The following CAMKMT variants were observed in gnomAD, a reference collection of about 807,000 sequenced individuals.
CAMKMT encodes calmodulin-lysine N-methyltransferase.
Under a neutral mutation model 48.0 loss-of-function variants are expected in CAMKMT, and 53 were observed. That is an observed-to-expected ratio of 1.10 (90% CI 0.89 to 1.39). The LOEUF (loss-of-function observed/expected upper bound fraction) is 1.39. Ranked by LOEUF, CAMKMT falls within the 40% of genes most tolerant of loss-of-function variation. The pLI, the probability that CAMKMT is intolerant of heterozygous loss-of-function variation, is 0.00. For missense variants in CAMKMT, 428 were observed against 402.7 expected (o/e 1.06, Z -0.54); for synonymous variants, 165 against 152.3 (o/e 1.08, Z -0.61).
At chr2:44,473,609 G>C (rs1301212908) in intron 3 of CAMKMT, among the ~76,000 whole-genome samples, 5 of 152,118 alleles carry the variant, frequency 3.3e-5, no homozygotes, top group South Asian at 2.1e-4. Context: ...TTCCATCCAT[G>C]ACTTTACTCT....
At chr2:44,570,480 A>G (rs1668848537) in intron 3 of CAMKMT, among the ~76,000 whole-genome samples, 1 of 152,188 alleles carries the variant, frequency 6.6e-6, no homozygotes, top group Non-Finnish European at 1.5e-5. Context: ...GAACTTTACA[A>G]AAATACTATT....
intron 3 of CAMKMT, among the ~76,000 whole-genome samples, chr2:44,498,901 T>G (rs13402006): frequency 0.49 from 74,450 of 152,012 alleles, 20,110 homozygotes; most frequent in Non-Finnish European, 0.61. Flanking sequence ...AGTCTTGAAT[T>G]TTGTGGTAAT....
chr2:44,767,822 G>A (rs1304028303), intron 10 of CAMKMT, among the ~76,000 whole-genome samples: 2 of 152,182 alleles, frequency 1.3e-5, no homozygotes, highest in Non-Finnish European at 2.9e-5. Flanking sequence ...GAATAATGTG[G>A]CTTTCTCTCC....
intron 3 of CAMKMT, among the ~76,000 whole-genome samples, chr2:44,429,785 G>A (rs1274904721): frequency 7.8e-6 from 1 of 128,844 alleles, no homozygotes; most frequent in Non-Finnish European, 1.6e-5. Flanking sequence ...TCCGGCCTGG[G>A]CGACAGAGCG....
chr2:44,460,214 G>T (rs184454967), intron 3 of CAMKMT, among the ~76,000 whole-genome samples: 20 of 152,252 alleles, frequency 1.3e-4, no homozygotes, highest in Admixed American at 5.9e-4. Context: ...GGGAAAAAAA[G>T]CCATGGCTAC....
At chr2:44,542,044 G>A (rs535066088) in intron 3 of CAMKMT, among the ~76,000 whole-genome samples, 13 of 151,216 alleles carry the variant, frequency 8.6e-5, no homozygotes, top group East Asian at 2.0e-4. Flanking sequence ...CAGGAGAATC[G>A]CTTGAAACCG....
chr2:44,565,962 A>G (rs1294372047), intron 3 of CAMKMT, among the ~76,000 whole-genome samples: 1 of 152,234 alleles, frequency 6.6e-6, no homozygotes, highest in Non-Finnish European at 1.5e-5. Flanking sequence ...GTAACCGCAC[A>G]TGCATGTGTA....
chr2:44,641,601 A>C (rs2104002267), intron 3 of CAMKMT, among the ~76,000 whole-genome samples: 1 of 152,198 alleles, frequency 6.6e-6, no homozygotes, highest in East Asian at 1.9e-4. Flanking sequence ...TCTGTCACCC[A>C]GGCTGGAGTG....
intron 10 of CAMKMT, among the ~76,000 whole-genome samples, chr2:44,769,301 T>A (rs1681001397): frequency 6.6e-6 from 1 of 152,218 alleles, no homozygotes; most frequent in Non-Finnish European, 1.5e-5. Flanking sequence ...TTCCGCACTT[T>A]TCTGCCAGTG....
chr2:44,684,963 G>C (rs1162332287), intron 3 of CAMKMT, among the ~76,000 whole-genome samples: 3 of 146,756 alleles, frequency 2.0e-5, no homozygotes, highest in African/African-American at 7.6e-5. Context: ...AATAGATCTT[G>C]CAAAAGAAGA....
chr2:44,764,574 T>C (rs1680757211), intron 9 of CAMKMT, among the ~76,000 whole-genome samples: 1 of 152,152 alleles, frequency 6.6e-6, no homozygotes. Flanking sequence ...TCCCTCTAAC[T>C]CAAAAGTTCT....
intron 3 of CAMKMT, among the ~76,000 whole-genome samples, chr2:44,591,731 A>G (rs1277360122): frequency 3.3e-5 from 5 of 151,940 alleles, no homozygotes; most frequent in Admixed American, 3.3e-4. Flanking sequence ...CCAAAGGACT[A>G]TAAATCATGC....
chr2:44,768,701 G>C (rs1680970363), intron 10 of CAMKMT, among the ~76,000 whole-genome samples: 1 of 152,218 alleles, frequency 6.6e-6, no homozygotes, highest in Non-Finnish European at 1.5e-5. Context: ...GCCGCCGGGA[G>C]CCTCCACCCT....
intron 3 of CAMKMT, among the ~76,000 whole-genome samples, chr2:44,431,431 C>T (rs958450306): frequency 3.9e-5 from 6 of 152,088 alleles, no homozygotes; most frequent in Non-Finnish European, 7.4e-5. Context: ...CAGAAGCTGC[C>T]ATTTATTATA....
intron 3 of CAMKMT, among the ~76,000 whole-genome samples, chr2:44,703,930 T>A (rs982670121): frequency 1.3e-5 from 2 of 152,274 alleles, no homozygotes; most frequent in Non-Finnish European, 1.5e-5. Context: ...TATAAGCAAG[T>A]CTTCAACTGA....
At chr2:44,495,161 C>A (rs976185613) in intron 3 of CAMKMT, among the ~76,000 whole-genome samples, 1 of 152,094 alleles carries the variant, frequency 6.6e-6, no homozygotes, top group African/African-American at 2.4e-5. Context: ...TTATTTTTAG[C>A]CAGGTTCTTG....
chr2:44,637,979 C>CGCTTGAACTCGGGAGGCAGAG (rs1673227326), intron 3 of CAMKMT, among the ~76,000 whole-genome samples: 1 of 149,172 alleles, frequency 6.7e-6, no homozygotes, highest in Non-Finnish European at 1.5e-5. Flanking sequence ...GCAGGAGAAT[C>CGCTTGAACTCGGGAGGCAGAG]GCTTGAACTC....
At chr2:44,380,658 A>C (rs998692532) in intron 2 of CAMKMT, among the ~76,000 whole-genome samples, 3 of 152,238 alleles carry the variant, frequency 2.0e-5, no homozygotes, top group African/African-American at 7.2e-5. Context: ...TCCTATAATT[A>C]GAACTAACTT....
At chr2:44,627,697 C>CTTTTTTTTTTTTTTTTTTTTTTTT (rs1174344846) in intron 3 of CAMKMT, among the ~76,000 whole-genome samples, 1 of 75,098 alleles carries the variant, frequency 1.3e-5, no homozygotes, top group Non-Finnish European at 2.4e-5. Flanking sequence ...CCATTTTATC[C>CTTTTTTTTTTTTTTTTTTTTTTTT]TTTTTTTTTT....
Sources: allele counts gnomAD v4.1 joint callset (sites outside exome capture counted in the v4.1 genomes callset), GRCh38; gene constraint gnomAD v4.1.1; transcripts MANE v1.5; gene names NCBI Gene and HGNC (gene_info 2026-07-23, HGNC 2026-07-21).